The following LPP variants were observed in gnomAD, a reference collection of about 807,000 sequenced individuals.
LPP encodes the protein lipoma-preferred partner.
LPP carries 38 observed loss-of-function variants against 60.4 expected under a neutral mutation model. The ratio of observed to expected loss-of-function variants is 0.63; its 90% confidence interval spans 0.49 to 0.83. The LOEUF (loss-of-function observed/expected upper bound fraction) is 0.83, where lower values mean the gene tolerates loss of function less well. Among genes scored for constraint, LPP ranks in the 40% least tolerant of loss-of-function variants. LPP has a pLI of 0.00. For synonymous variants in LPP, 328 were observed against 290.8 expected (o/e 1.13, Z -1.30); for missense variants, 902 against 783.6 (o/e 1.15, Z -1.80).
At chr3:188,378,874 C>G (rs187270119) in intron 3 of LPP, among the ~76,000 whole-genome samples, 1 of 152,266 alleles carries the variant, frequency 6.6e-6, no homozygotes, top group East Asian at 1.9e-4. Flanking sequence ...ATGTTCCAGA[C>G]ATATCATTTT....
intron 4 of LPP, among the ~76,000 whole-genome samples, chr3:188,468,943 T>G (rs1801111356): frequency 1.3e-5 from 2 of 152,092 alleles, no homozygotes; most frequent in Non-Finnish European, 2.9e-5. Flanking sequence ...TCTGCTAAAA[T>G]AACAAGGTGG....
rs114947476 is a variant in LPP at position 188,562,031 on chromosome 3, C to G, written c.429+37244C>G. Among the ~76,000 whole-genome samples the G allele has an allele frequency of 1.9e-3, 285 of 150,136 alleles. 3 individuals are homozygous for G. Among genetic ancestry groups the G allele is most frequent in the African/African-American group, 6.6e-3 (270 of 41,030 alleles). ...AATGTGGAGGCTTCTACAGTGTGTA[C>G]TATTTATAATCACGCACACACAGAC... On this transcript the variant is annotated intron_variant, in intron 6 of 11. Coordinates refer to ENST00000617246, the MANE Select transcript of LPP (RefSeq NM_001375462.1).
rs1774566499 is a variant in LPP, at chr3:188,375,061, T to C, written c.-9-31051T>C. 2.0e-5 allele frequency among the ~76,000 whole-genome samples: 3 copies of C among 152,322 alleles called. No homozygotes were observed. In the South Asian group the frequency reaches 6.2e-4, roughly 32 times the overall value. The stretch of plus-strand genomic sequence containing the variant: ...CTTGCATCCCAGGGATGAAACCCAC[T>C]TGATCATGGTGGATAAGCTTCTTGA... On this transcript the variant is annotated intron_variant, in intron 3 of 11. Coordinates refer to ENST00000617246, the MANE Select transcript of LPP (RefSeq NM_001375462.1).
At position 188,649,931 on chromosome 3, in the gene LPP, A is replaced by C. The variant is rs1276018088; in HGVS notation, c.1113+40087A>C. Among the ~76,000 whole-genome samples, 3 of 152,210 alleles carry C rather than the reference A, an allele frequency of 2.0e-5. No homozygotes were observed. In the East Asian group the frequency reaches 5.8e-4, roughly 29 times the overall value. On this transcript the variant is annotated intron_variant, in intron 7 of 11. Coordinates refer to ENST00000617246, the MANE Select transcript of LPP (RefSeq NM_001375462.1). The stretch of plus-strand genomic sequence containing the variant: ...TCCTCTGTTATAGGTAATAATTATT[A>C]AGCTTCCACCTTGTCTTGTTTCTAT...
intron 4 of LPP, among the ~76,000 whole-genome samples, chr3:188,441,360 A>G (rs567469530): frequency 1.6e-3 from 242 of 152,196 alleles, no homozygotes; most frequent in Non-Finnish European, 2.6e-3. Flanking sequence ...GGGATTGGTT[A>G]AAGTTGAATG....
intron 8 of LPP, among the ~76,000 whole-genome samples, chr3:188,719,092 A>C (rs565569006): frequency 2.2e-4 from 33 of 152,218 alleles, no homozygotes; most frequent in Non-Finnish European, 4.3e-4. Flanking sequence ...TTTGGACTTG[A>C]TCTCTTTTGC....
Position 188,878,082 on chromosome 3 carries a change from A to G in LPP, c.*3603A>G. 4.5e-6 allele frequency: 1 copy of G among 220,094 alleles called. No individual in the cohort carries two copies. The highest frequency in any genetic ancestry group is 6.7e-5 in the East Asian group (1 of 14,946). The allele number at this position is 220,094 out of a possible 1,614,324, so 13.6% of individuals were successfully genotyped here. The stretch of plus-strand genomic sequence containing the variant: ...AAGAGAGGGCTTTTTCCATGGGGCT[A>G]TAGTAGAGAGTTAGTGGAATATAGA... On this transcript the variant is annotated 3_prime_UTR_variant, in exon 12 of 12. Coordinates refer to ENST00000617246, the MANE Select transcript of LPP (RefSeq NM_001375462.1).
At chr3:188,864,039 A>G (rs1331179187) in intron 9 of LPP, among the ~76,000 whole-genome samples, 2 of 151,934 alleles carry the variant, frequency 1.3e-5, no homozygotes, top group Non-Finnish European at 2.9e-5. Flanking sequence ...ATTAGCTCAC[A>G]TTGTCAGGGT....
At chr3:188,384,591 A>G (rs1473750790) in intron 3 of LPP, among the ~76,000 whole-genome samples, 1 of 151,992 alleles carries the variant, frequency 6.6e-6, no homozygotes, top group Non-Finnish European at 1.5e-5. Flanking sequence ...GGAGATTGAG[A>G]GCATCCTGGC....
chr3:188,654,637 C>A (rs539881083), intron 7 of LPP, among the ~76,000 whole-genome samples: 1 of 152,152 alleles, frequency 6.6e-6, no homozygotes, highest in South Asian at 2.1e-4. Context: ...CTCCAAGAAA[C>A]TGCATGCTTA....
intron 2 of LPP, among the ~76,000 whole-genome samples, chr3:188,278,362 G>A (rs879039784): frequency 6.6e-6 from 1 of 152,174 alleles, no homozygotes; most frequent in Non-Finnish European, 1.5e-5. Flanking sequence ...CTTGGAGCAA[G>A]TCCTCATCTG....
rs1329730997 is a variant in LPP at position 188,639,453 on chromosome 3, C to T, written c.1113+29609C>T. 3.2e-3 allele frequency among the ~76,000 whole-genome samples: 486 copies of T among 151,464 alleles called. 2 individuals are homozygous for T. Among genetic ancestry groups the T allele is most frequent in the African/African-American group, 0.011 (444 of 41,198 alleles). Reference sequence around the variant, plus strand: ...GGCATTACCATTCAGGACATAGGCACGGGCAAGGACTTCATGTCTAAAACA... The same window carrying T: ...GGCATTACCATTCAGGACATAGGCATGGGCAAGGACTTCATGTCTAAAACA... On this transcript the variant is annotated intron_variant, in intron 7 of 11. Coordinates refer to ENST00000617246, the MANE Select transcript of LPP (RefSeq NM_001375462.1).
At chr3:188,705,252 A>G (rs560992625) in intron 7 of LPP, among the ~76,000 whole-genome samples, 1 of 152,262 alleles carries the variant, frequency 6.6e-6, no homozygotes, top group Non-Finnish European at 1.5e-5. Context: ...CTGTAAATAA[A>G]CTGTAGTTAC....
At chr3:188,766,484 A>C (rs921168221) in intron 9 of LPP, among the ~76,000 whole-genome samples, 2 of 151,514 alleles carry the variant, frequency 1.3e-5, no homozygotes, top group East Asian at 3.9e-4. Flanking sequence ...TTACCCTCTA[A>C]TTAATGATCC....
chr3:188,861,929 TA>T (rs1765292560), intron 9 of LPP, among the ~76,000 whole-genome samples: 1 of 152,212 alleles, frequency 6.6e-6, no homozygotes, highest in African/African-American at 2.4e-5. Flanking sequence ...TGGAGTAGCC[TA>T]AAACATTTTT....
At chr3:188,586,717 T>C (rs928157139) in intron 6 of LPP, among the ~76,000 whole-genome samples, 6 of 144,602 alleles carry the variant, frequency 4.1e-5, no homozygotes, top group South Asian at 4.5e-4. Context: ...TTTAGCAAAA[T>C]AGTCCTTAAA....
At position 188,824,255 on chromosome 3, in the gene LPP, T is replaced by C. The variant is rs956469988; in HGVS notation, c.1411-41945T>C. On this transcript the variant is annotated intron_variant, in intron 9 of 11. Coordinates refer to ENST00000617246, the MANE Select transcript of LPP (RefSeq NM_001375462.1). ...CCTGGTAGAGTAGAATGAAGTAGAA[T>C]GTAGAATGCGGTAGCAATAGAATGA... is the stretch of plus-strand genomic sequence containing the variant. 5.9e-5 allele frequency among the ~76,000 whole-genome samples: 9 copies of C among 152,276 alleles called. No homozygotes were observed. In the East Asian group the frequency reaches 1.5e-3, roughly 26 times the overall value.
At chr3:188,530,373 A>G (rs1821842545) in intron 6 of LPP, among the ~76,000 whole-genome samples, 1 of 152,254 alleles carries the variant, frequency 6.6e-6, no homozygotes, top group South Asian at 2.1e-4. Flanking sequence ...CAAAATTTCT[A>G]AACATTTTAA....
chr3:188,216,505 A>G (rs964566248), intron 1 of LPP, among the ~76,000 whole-genome samples: 2 of 152,136 alleles, frequency 1.3e-5, no homozygotes, highest in African/African-American at 4.8e-5. Flanking sequence ...TCCTGACCTC[A>G]GGTGATCTGC....
Sources: gnomAD v4.1 joint callset for allele counts (sites outside exome capture counted in the v4.1 genomes callset) on GRCh38, gnomAD v4.1.1 for gene constraint, MANE v1.5 for transcripts, NCBI Gene and HGNC (gene_info 2026-07-23, HGNC 2026-07-21) for gene names.